The following PPM1D variants were observed in gnomAD, a reference collection of about 807,000 sequenced individuals.
The protein encoded by PPM1D is protein phosphatase, Mg2+/Mn2+ dependent 1D, also known as protein phosphatase 1D.
In PPM1D, 52 loss-of-function variants were observed where a neutral mutation model predicts 58.3. The observed-to-expected ratio is 0.89, with a 90% CI of 0.71 to 1.12. The LOEUF is 1.12. Among genes scored for constraint, PPM1D ranks in the 50% most tolerant of loss-of-function variants. The pLI, the probability that PPM1D is intolerant of heterozygous loss-of-function variation, is 0.00. For synonymous variants in PPM1D, 278 were observed against 285.1 expected, an observed-to-expected ratio of 0.98 and a Z score of 0.25; for missense variants, 564 against 777.2, an observed-to-expected ratio of 0.73 and a Z score of 3.26.
At chr17:60,659,811 A>G (rs1022736126) in intron 5 of PPM1D, among the ~76,000 whole-genome samples, 1 of 152,340 alleles carries the variant, frequency 6.6e-6, no homozygotes, top group African/African-American at 2.4e-5. Context: ...GCTAACAGAT[A>G]CAATGTATTC....
At chr17:60,613,141 T>C (rs1386790672) in intron 1 of PPM1D, among the ~76,000 whole-genome samples, 1 of 152,174 alleles carries the variant, frequency 6.6e-6, no homozygotes, top group Non-Finnish European at 1.5e-5. Context: ...TACTATGTAA[T>C]ACTAAATAGT....
At chr17:60,632,015 A>G (rs1229218987) in intron 2 of PPM1D, among the ~76,000 whole-genome samples, 2 of 152,054 alleles carry the variant, frequency 1.3e-5, no homozygotes, top group Non-Finnish European at 2.9e-5. Context: ...CGTGTCTACT[A>G]AAAATACAAA....
intron 2 of PPM1D, among the ~76,000 whole-genome samples, chr17:60,633,404 C>CTATT (rs199686415): frequency 0.011 from 1,645 of 152,028 alleles, 23 homozygotes; most frequent in African/African-American, 0.035. Context: ...AATTTAATGC[C>CTATT]TATTTATTTA....
At chr17:60,661,142 C>G (rs964069352) in intron 5 of PPM1D, among the ~76,000 whole-genome samples, 7 of 146,476 alleles carry the variant, frequency 4.8e-5, no homozygotes, top group South Asian at 4.2e-4. Context: ...TCCCTTGAAC[C>G]TGGGAGGCAG....
chr17:60,617,128 A>T (rs866878470), intron 1 of PPM1D, among the ~76,000 whole-genome samples: 107 of 140,224 alleles, frequency 7.6e-4, no homozygotes, highest in Middle Eastern at 3.8e-3. Context: ...AAAAAAAAAA[A>T]TTTTTTTTTT....
chr17:60,645,174 T>C (rs2143696800), intron 3 of PPM1D, among the ~76,000 whole-genome samples: 1 of 152,172 alleles, frequency 6.6e-6, no homozygotes, highest in South Asian at 2.1e-4. Flanking sequence ...GCCAACATGA[T>C]GAAACCTCGT....
At chr17:60,653,728 C>A (rs1190935168) in intron 4 of PPM1D, among the ~76,000 whole-genome samples, 2 of 152,080 alleles carry the variant, frequency 1.3e-5, no homozygotes, top group Non-Finnish European at 2.9e-5. Flanking sequence ...TTCTAGTTTT[C>A]CTTTATAGAT....
At chr17:60,657,485 AATAC>A (rs2031461589) in intron 5 of PPM1D, among the ~76,000 whole-genome samples, 1 of 152,194 alleles carries the variant, frequency 6.6e-6, no homozygotes, top group East Asian at 1.9e-4. Flanking sequence ...TAATTGCTTT[AATAC>A]ATAGCATGGC....
At chr17:60,634,803 C>T (rs965264622) in intron 3 of PPM1D, among the ~76,000 whole-genome samples, 3 of 152,046 alleles carry the variant, frequency 2.0e-5, no homozygotes, top group Non-Finnish European at 1.5e-5. Context: ...TTTTATGAGA[C>T]AGGGTCTTGT....
At chr17:60,612,536 G>T (rs764004787) in intron 1 of PPM1D, among the ~76,000 whole-genome samples, 11 of 152,042 alleles carry the variant, frequency 7.2e-5, no homozygotes, top group Non-Finnish European at 1.0e-4. Context: ...CTTGTGTGTA[G>T]GAATTAAATA....
chr17:60,631,542 G>A (rs369417099), intron 2 of PPM1D, among the ~76,000 whole-genome samples: 186 of 151,318 alleles, frequency 1.2e-3, no homozygotes, highest in African/African-American at 4.3e-3. Flanking sequence ...AGGAGGCTGA[G>A]GCTGCAGTGA....
Position 60,656,682 on chromosome 17 carries a change from C to T in PPM1D, c.1101C>T (p.Asn367=), listed in dbSNP as rs1381803273. Reference sequence around the variant, plus strand: ...GGCAGCGTATGCTCCGAGCAGATAACACTAGTGCCATAGTAATCTGCATCT... The same window carrying T: ...GGCAGCGTATGCTCCGAGCAGATAATACTAGTGCCATAGTAATCTGCATCT... The part of the protein sequence containing the change: ...RWRQRMLRAD[N]TSAIVICISP... The change falls in exon 5 of 6, where the codon AAC becomes AAT. Residue 367 remains asparagine, a synonymous_variant. Transcript: ENST00000305921. 2 of 1,614,026 alleles carry T rather than the reference C, an allele frequency of 1.2e-6. No individual in the cohort carries two copies. The highest frequency in any genetic ancestry group is 1.7e-6 in the Non-Finnish European group (2 of 1,180,040).
chr17:60,612,973 A>C (rs1185072885), intron 1 of PPM1D, among the ~76,000 whole-genome samples: 3 of 152,150 alleles, frequency 2.0e-5, no homozygotes, highest in Non-Finnish European at 4.4e-5. Context: ...ATTAGTTTGG[A>C]GTAGAGTCTC....
intron 3 of PPM1D, among the ~76,000 whole-genome samples, chr17:60,634,257 C>CA (rs1486500827): frequency 2.6e-5 from 4 of 152,088 alleles, no homozygotes; most frequent in Non-Finnish European, 4.4e-5. Context: ...CTAAAAAATA[C>CA]AAAAATTAGC....
At chr17:60,617,988 A>G (rs998513904) in intron 1 of PPM1D, among the ~76,000 whole-genome samples, 1 of 152,178 alleles carries the variant, frequency 6.6e-6, no homozygotes, top group Non-Finnish European at 1.5e-5. Flanking sequence ...GTTTTTCTTA[A>G]TAGTTTCACC....
chr17:60,660,523 G>T (rs2143726468), intron 5 of PPM1D, among the ~76,000 whole-genome samples: 1 of 151,776 alleles, frequency 6.6e-6, no homozygotes, highest in South Asian at 2.1e-4. Flanking sequence ...CGAGTTTCTG[G>T]GCCGGGTGTG....
At chr17:60,645,506 A>G (rs1238489303) in intron 3 of PPM1D, among the ~76,000 whole-genome samples, 24 of 133,722 alleles carry the variant, frequency 1.8e-4, no homozygotes, top group African/African-American at 5.9e-4. Context: ...GTGTATATAT[A>G]TATGTGTATA....
intron 5 of PPM1D, among the ~76,000 whole-genome samples, chr17:60,659,781 A>T (rs1427092952): frequency 6.6e-6 from 1 of 152,210 alleles, no homozygotes; most frequent in Admixed American, 6.5e-5. Flanking sequence ...TACATCTAAG[A>T]AGTCTAAACA....
intron 1 of PPM1D, among the ~76,000 whole-genome samples, chr17:60,621,435 G>T: frequency 6.7e-6 from 1 of 149,454 alleles, no homozygotes; most frequent in Non-Finnish European, 1.5e-5. Flanking sequence ...CACTCTGTTG[G>T]CCAGGCTGGA....
Sources: allele counts gnomAD v4.1 joint callset (sites outside exome capture counted in the v4.1 genomes callset), GRCh38; gene constraint gnomAD v4.1.1; transcripts MANE v1.5; gene names NCBI Gene and HGNC (gene_info 2026-07-23, HGNC 2026-07-21).